GPC5: variants seen among roughly 807,000 people sequenced by gnomAD.
The protein encoded by GPC5 is glypican-5.
GPC5 carries 47 observed loss-of-function variants against 53.9 expected under a neutral mutation model. The ratio of observed to expected loss-of-function variants is 0.87; its 90% CI spans 0.69 to 1.11. The LOEUF is 1.11. Ranked by LOEUF, GPC5 falls within the 50% of genes most tolerant of loss-of-function variation. GPC5 has a pLI of 0.00. For missense variants in GPC5, 748 were observed against 713.1 expected (o/e 1.05, Z -0.56); for synonymous variants, 286 against 263.3 (o/e 1.09, Z -0.84).
At chr13:92,526,347 A>G (rs1435316771) in intron 7 of GPC5, among the ~76,000 whole-genome samples, 1 of 152,110 alleles carries the variant, frequency 6.6e-6, no homozygotes, top group Non-Finnish European at 1.5e-5. Flanking sequence ...CTGAGGTCAG[A>G]GTGCTCCTGG....
At chr13:91,845,615 G>C (rs1351658052) in intron 5 of GPC5, among the ~76,000 whole-genome samples, 2 of 152,160 alleles carry the variant, frequency 1.3e-5, no homozygotes, top group African/African-American at 4.8e-5. Flanking sequence ...GGAAGGCACA[G>C]ACAAGGGCTT....
chr13:92,465,709 A>T (rs1594225753), intron 7 of GPC5, among the ~76,000 whole-genome samples: 1 of 152,114 alleles, frequency 6.6e-6, no homozygotes, highest in East Asian at 1.9e-4. Context: ...TTTTGATTTC[A>T]TTTCAGCATT....
At chr13:91,668,689 T>C (rs983377008) in intron 2 of GPC5, among the ~76,000 whole-genome samples, 2 of 152,210 alleles carry the variant, frequency 1.3e-5, no homozygotes, top group Admixed American at 1.3e-4. Flanking sequence ...TTGTCAAATA[T>C]AAAAATAATT....
chr13:92,575,275 A>G (rs1361021064), intron 7 of GPC5, among the ~76,000 whole-genome samples: 2 of 152,208 alleles, frequency 1.3e-5, no homozygotes, highest in Non-Finnish European at 2.9e-5. Context: ...TCAAAAGGAG[A>G]CCATCCTGGA....
At chr13:91,519,393 A>T (rs1263000260) in intron 2 of GPC5, among the ~76,000 whole-genome samples, 4 of 151,760 alleles carry the variant, frequency 2.6e-5, no homozygotes, top group Middle Eastern at 3.4e-3. Flanking sequence ...ATGACCCCCC[A>T]GTGTTGGAGC....
intron 5 of GPC5, among the ~76,000 whole-genome samples, chr13:91,804,411 G>A (rs911097269): frequency 2.6e-5 from 4 of 152,170 alleles, no homozygotes; most frequent in Non-Finnish European, 5.9e-5. Context: ...GCCAGCACAT[G>A]CTTTACAATC....
intron 7 of GPC5, among the ~76,000 whole-genome samples, chr13:92,173,305 T>C (rs1389574258): frequency 6.6e-6 from 1 of 152,166 alleles, no homozygotes; most frequent in Non-Finnish European, 1.5e-5. Context: ...CTTTTCCGCT[T>C]AGGTGTGTCG....
At chr13:91,723,726 C>A (rs1349755284) in intron 3 of GPC5, among the ~76,000 whole-genome samples, 2 of 152,116 alleles carry the variant, frequency 1.3e-5, no homozygotes, top group African/African-American at 2.4e-5. Context: ...CTTACCTCAC[C>A]TATTGGAATA....
chr13:91,468,561 C>T (rs1882396233), intron 2 of GPC5, among the ~76,000 whole-genome samples: 1 of 152,044 alleles, frequency 6.6e-6, no homozygotes, highest in African/African-American at 2.4e-5. Context: ...CTGAGGTTAC[C>T]GGAAGTGAGG....
At chr13:92,523,848 T>G (rs1402564891) in intron 7 of GPC5, among the ~76,000 whole-genome samples, 2 of 152,040 alleles carry the variant, frequency 1.3e-5, no homozygotes, top group Non-Finnish European at 2.9e-5. Flanking sequence ...ATAAAAGTAA[T>G]GTTTAGATTA....
intron 2 of GPC5, among the ~76,000 whole-genome samples, chr13:91,492,671 C>G (rs1884006931): frequency 6.6e-6 from 1 of 152,202 alleles, no homozygotes; most frequent in South Asian, 2.1e-4. Context: ...CAGAAATACC[C>G]TCAGAGACAT....
chr13:92,631,751 G>C (rs1232430984), intron 7 of GPC5, among the ~76,000 whole-genome samples: 2 of 152,070 alleles, frequency 1.3e-5, no homozygotes, highest in Admixed American at 6.6e-5. Context: ...AATTTTGGGG[G>C]TGTCAATATG....
chr13:91,538,457 T>C (rs185548395), intron 2 of GPC5, among the ~76,000 whole-genome samples: 2 of 152,320 alleles, frequency 1.3e-5, no homozygotes, highest in Admixed American at 6.5e-5. Context: ...TATGATATAA[T>C]GGGGCAAACT....
At chr13:92,395,843 C>T (rs986136842) in intron 7 of GPC5, among the ~76,000 whole-genome samples, 1 of 150,648 alleles carries the variant, frequency 6.6e-6, no homozygotes, top group Non-Finnish European at 1.5e-5. Flanking sequence ...TGACTTCTTT[C>T]AGGATTTTCT....
chr13:92,432,900 A>G (rs1877155891), intron 7 of GPC5, among the ~76,000 whole-genome samples: 1 of 152,096 alleles, frequency 6.6e-6, no homozygotes, highest in African/African-American at 2.4e-5. Flanking sequence ...AAAGATAAAT[A>G]TTTGACAGTC....
In GPC5 at chr13:91,571,850, T is replaced by TACGTGTGTGTGTGTATACAC. The variant is rs2031836500; in HGVS notation, c.326-121335_326-121334insGTGTGTGTGTGTATACACAC. On this transcript the variant is annotated intron_variant, in intron 2 of 7. Coordinates refer to ENST00000377067, the MANE Select transcript of GPC5 (RefSeq NM_004466.6). Reference sequence around the variant, plus strand: ...ATATACACATATACTTGTGTGTATATACACATATACGTGTGTGTATATATA... The same window carrying TACGTGTGTGTGTGTATACAC: ...ATATACACATATACTTGTGTGTATATACGTGTGTGTGTGTATACACACACATATACGTGTGTGTATATATA... Among the ~76,000 whole-genome samples the TACGTGTGTGTGTGTATACAC allele has an allele frequency of 8.5e-5, 6 of 70,506 alleles. 1 individual carries two copies. The highest frequency in any genetic ancestry group is 8.3e-4 in the African/African-American group (6 of 7,214). The allele number at this position is 70,506 out of a possible 152,430, so 46.3% of individuals were successfully genotyped here.
chr13:92,050,178 A>C (rs1307591807), intron 6 of GPC5, among the ~76,000 whole-genome samples: 2 of 152,236 alleles, frequency 1.3e-5, no homozygotes, highest in Non-Finnish European at 1.5e-5. Context: ...CACATGGTAC[A>C]TCATTCCAAT....
intron 6 of GPC5, among the ~76,000 whole-genome samples, chr13:92,053,675 G>A (rs1280602905): frequency 6.6e-6 from 1 of 151,876 alleles, no homozygotes; most frequent in African/African-American, 2.4e-5. Context: ...ATACGTTAAT[G>A]TATAGCAATA....
chr13:92,409,041 A>G (rs1566578157), intron 7 of GPC5, among the ~76,000 whole-genome samples: 1 of 152,048 alleles, frequency 6.6e-6, no homozygotes, highest in Non-Finnish European at 1.5e-5. Flanking sequence ...TTGAAATATT[A>G]ATAAATAATT....
Sources: gnomAD v4.1 joint callset for allele counts (sites outside exome capture counted in the v4.1 genomes callset) on GRCh38, gnomAD v4.1.1 for gene constraint, MANE v1.5 for transcripts, NCBI Gene and HGNC (gene_info 2026-07-23, HGNC 2026-07-21) for gene names.